Variants in HCN1 observed in about 807,000 individuals in gnomAD.
HCN1 encodes the protein hyperpolarization activated cyclic nucleotide gated potassium channel 1.
A neutral mutation model predicts 78.9 loss-of-function variants in HCN1; 13 were observed. The observed-to-expected ratio is 0.16, with a 90% CI of 0.11 to 0.26. The LOEUF is 0.26. Among genes scored for constraint, HCN1 ranks in the 10% least tolerant of loss-of-function variants. The pLI is 1.00. For synonymous variants in HCN1, 552 were observed against 455.5 expected, an observed-to-expected ratio of 1.21 and a Z score of -2.70; for missense variants, 810 against 1,154.3, an observed-to-expected ratio of 0.70 and a Z score of 4.32.
intron 2 of HCN1, among the ~76,000 whole-genome samples, chr5:45,502,008 A>G (rs1318991134): frequency 6.6e-6 from 1 of 152,166 alleles, no homozygotes; most frequent in Non-Finnish European, 1.5e-5. Flanking sequence ...AATAATGTCA[A>G]TCTCAGGACA....
intron 5 of HCN1, among the ~76,000 whole-genome samples, chr5:45,316,715 G>A (rs537358984): frequency 1.3e-5 from 2 of 152,138 alleles, no homozygotes; most frequent in Admixed American, 6.5e-5. Context: ...CTTCAGCAAA[G>A]TCTCAGGATG....
At chr5:45,635,803 G>A (rs567055119) in intron 2 of HCN1, among the ~76,000 whole-genome samples, 2 of 152,206 alleles carry the variant, frequency 1.3e-5, no homozygotes, top group East Asian at 3.9e-4. Context: ...TTACTCTTGA[G>A]CTTTCATAAT....
At position 45,272,765 on chromosome 5, in the gene HCN1, A is replaced by G. The variant is rs950798011; in HGVS notation, c.1619-5512T>C. Among the ~76,000 whole-genome samples the G allele has an allele frequency of 2.6e-5, 4 of 152,018 alleles. No individual in the cohort carries two copies. The East Asian group carries it at 5.8e-4, about 22-fold the overall frequency. On this transcript the variant is annotated intron_variant, in intron 6 of 7. Coordinates refer to ENST00000303230, the MANE Select transcript of HCN1 (RefSeq NM_021072.4). ...GGAAGATTTGGTCATTTTTTTTTCA[A>G]TGTAGACATGCCTTTACTCATCAGG...
At chr5:45,493,243 T>C (rs1741933849) in intron 2 of HCN1, among the ~76,000 whole-genome samples, 1 of 152,002 alleles carries the variant, frequency 6.6e-6, no homozygotes, top group Admixed American at 6.6e-5. Context: ...TATGTATATA[T>C]AGATATATAT....
chr5:45,497,796 C>G (rs920416850), intron 2 of HCN1, among the ~76,000 whole-genome samples: 1 of 152,198 alleles, frequency 6.6e-6, no homozygotes, highest in Non-Finnish European at 1.5e-5. Context: ...GACAAAATCT[C>G]TCAGCATTTG....
At chr5:45,598,621 T>C (rs1162789416) in intron 2 of HCN1, among the ~76,000 whole-genome samples, 1 of 152,168 alleles carries the variant, frequency 6.6e-6, no homozygotes, top group Non-Finnish European at 1.5e-5. Context: ...ACCATCACAG[T>C]GAACAGGCAA....
At chr5:45,456,241 T>C (rs933785608) in intron 3 of HCN1, among the ~76,000 whole-genome samples, 5 of 152,038 alleles carry the variant, frequency 3.3e-5, no homozygotes, top group Non-Finnish European at 7.4e-5. Context: ...ATTGATTACT[T>C]ATCTTTGAAA....
At chr5:45,317,443 C>T (rs1031883175) in intron 5 of HCN1, among the ~76,000 whole-genome samples, 1 of 152,192 alleles carries the variant, frequency 6.6e-6, no homozygotes, top group African/African-American at 2.4e-5. Flanking sequence ...AAATGTTAGA[C>T]CTAAAACCAT....
chr5:45,671,829 C>CAA (rs1010909979), intron 1 of HCN1, among the ~76,000 whole-genome samples: 9 of 151,390 alleles, frequency 5.9e-5, no homozygotes, highest in African/African-American at 2.2e-4. Flanking sequence ...TTAGGACTGT[C>CAA]AAAAATCTGT....
chr5:45,391,195 T>C (rs1006697358), intron 4 of HCN1, among the ~76,000 whole-genome samples: 42 of 152,168 alleles, frequency 2.8e-4, no homozygotes, highest in African/African-American at 9.6e-4. Context: ...AAATGCTTGA[T>C]TGAAAGCACT....
chr5:45,312,580 C>T (rs942912512), intron 5 of HCN1, among the ~76,000 whole-genome samples: 4 of 152,274 alleles, frequency 2.6e-5, no homozygotes, highest in African/African-American at 4.8e-5. Flanking sequence ...TAGCCTCACC[C>T]GGCAAGTGCA....
chr5:45,326,863 C>A (rs541728042), intron 5 of HCN1, among the ~76,000 whole-genome samples: 2 of 151,666 alleles, frequency 1.3e-5, no homozygotes, highest in South Asian at 4.1e-4. Context: ...CACTGCTTTG[C>A]CTTACTAGAA....
intron 2 of HCN1, among the ~76,000 whole-genome samples, chr5:45,525,356 T>C (rs140792641): frequency 4.3e-4 from 66 of 152,080 alleles, no homozygotes; most frequent in African/African-American, 1.4e-3. Context: ...ATATTAGACT[T>C]GTAAAAGAAA....
At chr5:45,569,064 A>G (rs1425410279) in intron 2 of HCN1, among the ~76,000 whole-genome samples, 1 of 152,076 alleles carries the variant, frequency 6.6e-6, no homozygotes, top group Non-Finnish European at 1.5e-5. Flanking sequence ...CTACACCCAG[A>G]GGGAAGAAAT....
chr5:45,446,765 G>A (rs1740807519), intron 3 of HCN1, among the ~76,000 whole-genome samples: 1 of 152,040 alleles, frequency 6.6e-6, no homozygotes, highest in Admixed American at 6.6e-5. Flanking sequence ...TTTCAACCCA[G>A]AATTTCATAT....
At chr5:45,350,303 G>A (rs915605953) in intron 5 of HCN1, among the ~76,000 whole-genome samples, 1 of 152,080 alleles carries the variant, frequency 6.6e-6, no homozygotes, top group Non-Finnish European at 1.5e-5. Context: ...ATGCAGAAAA[G>A]GCCTTTGACA....
chr5:45,603,197 T>A (rs1322130453), intron 2 of HCN1, among the ~76,000 whole-genome samples: 1 of 152,080 alleles, frequency 6.6e-6, no homozygotes, highest in African/African-American at 2.4e-5. Flanking sequence ...GCAGTCTGAA[T>A]CCATTTGCTG....
Position 45,532,708 on chromosome 5 carries a change from CTTG to C in HCN1, c.850-70704_850-70702del, listed in dbSNP as rs1194841484. On this transcript the variant is annotated intron_variant, in intron 2 of 7. Transcript: ENST00000303230. The stretch of plus-strand genomic sequence containing the variant: ...AGTATTAAGAGATTATCCTACAGTA[CTTG>C]TTGTCCTTGAGCCAAAGACAGTGGT... 3.3e-5 allele frequency among the ~76,000 whole-genome samples: 5 copies of C among 152,262 alleles called. No individual in the cohort carries two copies. In the South Asian group the frequency reaches 1.0e-3, roughly 32 times the overall value.
intron 2 of HCN1, among the ~76,000 whole-genome samples, chr5:45,561,918 T>C (rs981444254): frequency 1.1e-4 from 16 of 152,158 alleles, no homozygotes; most frequent in Non-Finnish European, 2.4e-4. Flanking sequence ...AGGGGAGGGC[T>C]TGGAAGCTTT....
Sources: allele counts gnomAD v4.1 joint callset (sites outside exome capture counted in the v4.1 genomes callset), GRCh38; gene constraint gnomAD v4.1.1; transcripts MANE v1.5; gene names NCBI Gene and HGNC (gene_info 2026-07-23, HGNC 2026-07-21).